LRP6: variants seen among roughly 807,000 people sequenced by gnomAD.
LRP6 encodes the protein low-density lipoprotein receptor-related protein 6.
LRP6 carries 43 observed loss-of-function variants against 184.1 expected under a neutral mutation model. The observed-to-expected ratio is 0.23, with a 90% CI of 0.18 to 0.30. The LOEUF (loss-of-function observed/expected upper bound fraction) is 0.30. LRP6 is among the 10% of genes least tolerant of loss of function. LRP6 has a pLI of 1.00. For synonymous variants in LRP6, 719 were observed against 684.9 expected, an observed-to-expected ratio of 1.05 and a Z score of -0.78; for missense variants, 1,571 against 2,005.3, an observed-to-expected ratio of 0.78 and a Z score of 4.14.
At chr12:12,173,247 CCTGAGGCCCCAA>C (rs1863091962) in intron 7 of LRP6, among the ~76,000 whole-genome samples, 1 of 152,168 alleles carries the variant, frequency 6.6e-6, no homozygotes, top group South Asian at 2.1e-4. Context: ...GCCTCACTGT[CCTGAGGCCCCAA>C]AAACCTAATA....
chr12:12,180,824 T>TA (rs563662815), intron 6 of LRP6, among the ~76,000 whole-genome samples: 101 of 152,258 alleles, frequency 6.6e-4, no homozygotes, highest in African/African-American at 2.2e-3. Flanking sequence ...AACATGGACT[T>TA]AATTTAGAAA....
chr12:12,249,671 A>AGAAGGAAGGAAGGAAGGAAGGAAG (rs3053796), intron 1 of LRP6, among the ~76,000 whole-genome samples: 14 of 141,558 alleles, frequency 9.9e-5, no homozygotes, highest in South Asian at 2.3e-4. Context: ...GTGCTATAAC[A>AGAAGGAAGGAAGGAAGGAAGGAAG]GAAGGAAGGA....
At chr12:12,161,518 C>A (rs1038065719) in intron 10 of LRP6, among the ~76,000 whole-genome samples, 5 of 152,182 alleles carry the variant, frequency 3.3e-5, no homozygotes, top group Non-Finnish European at 7.4e-5. Context: ...TCTGCCCACG[C>A]CTCGGCCTCC....
At position 12,119,990 on chromosome 12, in the gene LRP6, A is replaced by ACAAACAAAC. The variant is rs1406561763; in HGVS notation, c.*1135_*1136insGTTTGTTTG. The ACAAACAAAC allele has an allele frequency of 2.9e-3, 130 of 45,518 alleles. 4 individuals carry two copies. Among genetic ancestry groups the ACAAACAAAC allele is most frequent in the Admixed American group, 7.6e-3 (25 of 3,278 alleles). 2.8% of individuals were successfully genotyped at this position (45,518 alleles called of 1,614,324 possible). ...ACTCAGAAAACAAACAAACAAACAAAATATATATATATATATATATATATA... is the reference window on the plus strand; with the variant it reads ...ACTCAGAAAACAAACAAACAAACAAACAAACAAACATATATATATATATATATATATATA... On this transcript the variant is annotated 3_prime_UTR_variant, in exon 23 of 23. Transcript: ENST00000261349.
intron 2 of LRP6, among the ~76,000 whole-genome samples, chr12:12,218,937 A>G (rs1445661093): frequency 1.3e-5 from 2 of 152,194 alleles, no homozygotes; most frequent in Middle Eastern, 3.2e-3. Context: ...ATGGTAGAGC[A>G]AGTTTAAAAA....
chr12:12,121,881 A>T (rs1565522709), intron 22 of LRP6, among the ~76,000 whole-genome samples: 1 of 152,168 alleles, frequency 6.6e-6, no homozygotes, highest in Admixed American at 6.5e-5. Flanking sequence ...TGAAGTCTTC[A>T]TTTCTTTCTT....
chr12:12,243,042 AAGTATTAAAAT>A (rs1263054734), intron 2 of LRP6, among the ~76,000 whole-genome samples: 1 of 152,262 alleles, frequency 6.6e-6, no homozygotes, highest in Admixed American at 6.5e-5. Flanking sequence ...AAAGAAAACA[AAGTATTAAAAT>A]AGTACAGGTT....
At chr12:12,219,297 C>T (rs1013197168) in intron 2 of LRP6, among the ~76,000 whole-genome samples, 5 of 152,166 alleles carry the variant, frequency 3.3e-5, no homozygotes, top group African/African-American at 7.2e-5. Flanking sequence ...CTCCACCACC[C>T]GGGGTTCAAA....
intron 2 of LRP6, among the ~76,000 whole-genome samples, chr12:12,239,838 A>G (rs969233646): frequency 1.3e-5 from 2 of 152,156 alleles, no homozygotes; most frequent in Non-Finnish European, 2.9e-5. Flanking sequence ...GCATTCAGTT[A>G]TACTACAACT....
At position 12,162,246 on chromosome 12, in the gene LRP6, C is replaced by T. The variant is rs1372385570; in HGVS notation, c.2226G>A (p.Leu742=). The change falls in exon 10 of 23, where the codon TTG becomes TTA. Residue 742 remains leucine, a synonymous_variant. Coordinates refer to ENST00000261349, the MANE Select transcript of LRP6 (RefSeq NM_002336.3). ...TGGGACTATCTAGGTCTTTCCACAC[C>T]AAAACTTGTCGGTGCTGCCCATCCA... ...SKLDGQHRQV[L]VWKDLDSPRA... 6.2e-7 allele frequency: 1 copy of T among 1,614,166 alleles called. No homozygotes were observed. The highest frequency in any genetic ancestry group is 1.7e-5 in the Admixed American group (1 of 60,016).
chr12:12,243,918 C>T (rs915521300), intron 2 of LRP6, among the ~76,000 whole-genome samples: 1 of 152,022 alleles, frequency 6.6e-6, no homozygotes, highest in African/African-American at 2.4e-5. Flanking sequence ...GCCCAGCTAA[C>T]AAAAAATTTT....
intron 16 of LRP6, among the ~76,000 whole-genome samples, chr12:12,138,026 C>T (rs182504990): frequency 1.4e-4 from 21 of 151,530 alleles, no homozygotes; most frequent in Non-Finnish European, 2.5e-4. Context: ...AAAAAATTAG[C>T]GAGGCATGGT....
chr12:12,167,942 T>A (rs1316157833), intron 7 of LRP6, among the ~76,000 whole-genome samples: 3 of 152,186 alleles, frequency 2.0e-5, no homozygotes. Context: ...GAGACCTTTA[T>A]GTATCCTGAA....
intron 7 of LRP6, among the ~76,000 whole-genome samples, chr12:12,170,049 T>A (rs760676672): frequency 1.2e-4 from 18 of 152,098 alleles, no homozygotes; most frequent in Non-Finnish European, 2.6e-4. Flanking sequence ...GTACAAAACA[T>A]GCCAGGAGAA....
Position 12,120,014 on chromosome 12 carries a change from T to A in LRP6, c.*1112A>T, listed in dbSNP as rs868464277. The A allele has an allele frequency of 4.2e-3, 414 of 98,438 alleles. 7 individuals carry two copies. The highest frequency in any genetic ancestry group is 6.3e-3 in the East Asian group (24 of 3,790). The allele number at this position is 98,438 out of a possible 1,614,324, so 6.1% of individuals were successfully genotyped here. On this transcript the variant is annotated 3_prime_UTR_variant, in exon 23 of 23. Transcript: ENST00000261349. ...AAATATATATATATATATATATATA[T>A]ATATATATATATATATATATATATA...
chr12:12,216,133 C>T (rs915169197), intron 2 of LRP6, among the ~76,000 whole-genome samples: 5 of 152,152 alleles, frequency 3.3e-5, no homozygotes, highest in African/African-American at 9.7e-5. Context: ...GGTCCTAATT[C>T]GCTGCAACAG....
chr12:12,253,930 G>C (rs1865393688), intron 1 of LRP6, among the ~76,000 whole-genome samples: 1 of 151,892 alleles, frequency 6.6e-6, no homozygotes, highest in South Asian at 2.1e-4. Context: ...TATCACTGGA[G>C]CCCAAGAGTT....
chr12:12,240,200 A>G (rs572512658), intron 2 of LRP6, among the ~76,000 whole-genome samples: 1 of 152,306 alleles, frequency 6.6e-6, no homozygotes, highest in African/African-American at 2.4e-5. Flanking sequence ...GATCTCAAAA[A>G]ACCTCATCTC....
At chr12:12,234,605 G>T (rs1328857420) in intron 2 of LRP6, among the ~76,000 whole-genome samples, 2 of 152,114 alleles carry the variant, frequency 1.3e-5, no homozygotes, top group African/African-American at 4.8e-5. Context: ...GGCTGAGGTG[G>T]GTGAATCACG....
Sources: allele counts gnomAD v4.1 joint callset (sites outside exome capture counted in the v4.1 genomes callset), GRCh38; gene constraint gnomAD v4.1.1; transcripts MANE v1.5; gene names NCBI Gene and HGNC (gene_info 2026-07-23, HGNC 2026-07-21).